ZNF395: variants seen among roughly 807,000 people sequenced by gnomAD.
ZNF395 encodes the protein zinc finger protein 395, also known as HD gene regulatory region-binding protein 2.
ZNF395 carries 20 observed loss-of-function variants against 57.7 expected under a neutral mutation model. The ratio of observed to expected loss-of-function variants is 0.35; its 90% CI spans 0.24 to 0.50. The LOEUF is 0.50. Among genes scored for constraint, ZNF395 ranks in the 20% least tolerant of loss-of-function variants. ZNF395 has a pLI of 0.97. For synonymous variants in ZNF395, 295 were observed against 275.9 expected (o/e 1.07, Z -0.69); for missense variants, 606 against 671.2 (o/e 0.90, Z 1.07).
chr8:28,378,352 A>T (rs1253074379), intron 1 of ZNF395, among the ~76,000 whole-genome samples: 1 of 152,146 alleles, frequency 6.6e-6, no homozygotes, highest in Admixed American at 6.6e-5. Context: ...TGAGCCTCCG[A>T]CATCAGCCTC....
In ZNF395 at chr8:28,352,765, C is replaced by G; in HGVS notation, c.820-92G>C. The stretch of plus-strand genomic sequence containing the variant: ...GTGGGGACTCAAACTGGCTGCTGTC[C>G]CCGGCCTGACCCAACAAAAACCTCC... On this transcript the variant is annotated intron_variant, in intron 5 of 9. Coordinates refer to ENST00000344423, the MANE Select transcript of ZNF395 (RefSeq NM_018660.3). The surrounding 1 kb of genome is among the most constrained non-coding windows in gnomAD (Gnocchi z 4.0). The G allele has an allele frequency of 1.9e-6, 2 of 1,077,388 alleles. No individual in the cohort carries two copies. Among genetic ancestry groups the G allele is most frequent in the Non-Finnish European group, 1.4e-6 (1 of 726,094 alleles). The allele number at this position is 1,077,388 out of a possible 1,614,324, so 66.7% of individuals were successfully genotyped here. A position where few individuals can be genotyped will look rare whatever the true frequency, so the allele number is the denominator to read the frequency against.
At chr8:28,371,006 G>A (rs1458264533) in intron 1 of ZNF395, among the ~76,000 whole-genome samples, 1 of 152,126 alleles carries the variant, frequency 6.6e-6, no homozygotes, top group Non-Finnish European at 1.5e-5. Context: ...TGAGCATTTC[G>A]CAGACTGTGT....
At chr8:28,379,374 A>G (rs192681656) in intron 1 of ZNF395, among the ~76,000 whole-genome samples, 17 of 152,308 alleles carry the variant, frequency 1.1e-4, no homozygotes, top group Non-Finnish European at 1.3e-4. Context: ...TTTAAAAGCC[A>G]TATCTTAGAG....
At chr8:28,370,985 A>ATTT (rs1801969245) in intron 1 of ZNF395, among the ~76,000 whole-genome samples, 1 of 152,232 alleles carries the variant, frequency 6.6e-6, no homozygotes, top group Non-Finnish European at 1.5e-5. Flanking sequence ...CTTAAGTGCC[A>ATTT]GTCAACTTGC....
intron 1 of ZNF395, among the ~76,000 whole-genome samples, chr8:28,374,134 CCGGG>C (rs1295188551): frequency 6.6e-6 from 1 of 152,110 alleles, no homozygotes; most frequent in Admixed American, 6.5e-5. Flanking sequence ...CAAAGGGAGA[CCGGG>C]CAGAGGTTAA....
chr8:28,383,785 G>A (rs1352615107), intron 1 of ZNF395, among the ~76,000 whole-genome samples: 1 of 151,722 alleles, frequency 6.6e-6, no homozygotes, highest in Non-Finnish European at 1.5e-5. Flanking sequence ...CTGCAACACT[G>A]TCCCCCCTGG....
chr8:28,371,116 C>T (rs1359435955), intron 1 of ZNF395, among the ~76,000 whole-genome samples: 1 of 152,190 alleles, frequency 6.6e-6, no homozygotes, highest in East Asian at 1.9e-4. Flanking sequence ...GTAATTTTCC[C>T]AAGGCCACGA....
intron 1 of ZNF395, among the ~76,000 whole-genome samples, chr8:28,366,944 A>G (rs1386228119): frequency 1.3e-5 from 2 of 152,086 alleles, no homozygotes; most frequent in Admixed American, 1.3e-4. Flanking sequence ...GCCGTGACTT[A>G]AAACTTCTAG....
chr8:28,359,615 G>A lies in ZNF395; in HGVS notation c.450C>T (p.Ser150=), dbSNP rs200561060. 11 of 1,604,220 alleles carry A rather than the reference G, an allele frequency of 6.9e-6. No homozygotes were observed. The highest frequency in any genetic ancestry group is 1.7e-4 in the Middle Eastern group (1 of 6,002). ...ACCTCTTTGGGACATCGATGTTCCT[G>A]GAGACGGGCCTGTAGGCCAGGGCCT... ...GAQALAYRPV[S]RNIDVPKRKS... The change falls in exon 3 of 10, where the codon TCC becomes TCT. Residue 150 remains serine, a synonymous_variant. Coordinates refer to ENST00000344423, the MANE Select transcript of ZNF395 (RefSeq NM_018660.3). The surrounding 1 kb of genome is among the most constrained non-coding windows in gnomAD (Gnocchi z 4.7).
chr8:28,349,283 G>A, intron 8 of ZNF395, 55 bp from the exon 9 acceptor site: 1 of 1,424,602 alleles, frequency 7.0e-7, no homozygotes, highest in South Asian at 1.4e-5. Context: ...AGGTGAGGGA[G>A]CTATCCTAAA....
intron 1 of ZNF395, among the ~76,000 whole-genome samples, chr8:28,376,843 C>T (rs1490493267): frequency 6.6e-6 from 1 of 152,214 alleles, no homozygotes; most frequent in Non-Finnish European, 1.5e-5. Flanking sequence ...TTTTCACATA[C>T]ATCTAAAACT....
chr8:28,383,027 C>T (rs1802129129), intron 1 of ZNF395, among the ~76,000 whole-genome samples: 1 of 152,144 alleles, frequency 6.6e-6, no homozygotes, highest in Admixed American at 6.5e-5. Flanking sequence ...CAAAACAGTA[C>T]AGACACTGCT....
chr8:28,375,695 G>A (rs1249531872), intron 1 of ZNF395, among the ~76,000 whole-genome samples: 3 of 152,178 alleles, frequency 2.0e-5, no homozygotes, highest in African/African-American at 7.2e-5. Context: ...CCTATCAGAC[G>A]TTGGAAATCT....
At chr8:28,370,925 A>G (rs1801968823) in intron 1 of ZNF395, among the ~76,000 whole-genome samples, 1 of 152,244 alleles carries the variant, frequency 6.6e-6, no homozygotes, top group African/African-American at 2.4e-5. Flanking sequence ...TGGCCTTTCA[A>G]AGACTGATGT....
intron 4 of ZNF395, among the ~76,000 whole-genome samples, chr8:28,354,257 T>G (rs954211682): frequency 2.6e-5 from 4 of 152,150 alleles, no homozygotes; most frequent in Non-Finnish European, 4.4e-5. Context: ...ACAGCACATC[T>G]GCAGGCTGCA....
intron 1 of ZNF395, among the ~76,000 whole-genome samples, chr8:28,366,023 G>A (rs1801906437): frequency 2.0e-5 from 3 of 152,162 alleles, no homozygotes; most frequent in South Asian, 2.1e-4. Context: ...ACACTGCAGC[G>A]AGCTATGATA....
At position 28,359,484 on chromosome 8, in the gene ZNF395, C is replaced by T; in HGVS notation, c.473+108G>A. On this transcript the variant is annotated intron_variant, in intron 3 of 9. Coordinates refer to ENST00000344423, the MANE Select transcript of ZNF395 (RefSeq NM_018660.3). This position sits in a 1 kb window ranked among gnomAD's most constrained non-coding sequence, Gnocchi z 4.7. ...TCCCATTTGTCCCAATATCTTGGCA[C>T]CCAGATGCCAATGACACCACATTTC... 1 of 1,420,694 alleles carries T rather than the reference C, an allele frequency of 7.0e-7. No homozygotes were observed. Among genetic ancestry groups the T allele is most frequent in the South Asian group, 1.6e-5 (1 of 64,102 alleles). The allele number at this position is 1,420,694 out of a possible 1,614,324, so 88.0% of individuals were successfully genotyped here.
At position 28,359,688 on chromosome 8, in the gene ZNF395, T is replaced by C. The variant is rs767409312; in HGVS notation, c.377A>G (p.Glu126Gly). The change falls in exon 3 of 10, where the codon GAG (glutamate) becomes GGG (glycine). Residue 126 changes from glutamate (E) to glycine (G), a missense_variant. Glu to Gly is a moderately conservative substitution (Grantham distance 98, BLOSUM62 -2). Around this residue, in one of 3 missense-constraint regions of ZNF395, gnomAD observed 309 missense variants for 374.7 expected, o/e 0.82. Coordinates refer to ENST00000344423, the MANE Select transcript of ZNF395 (RefSeq NM_018660.3). The surrounding 1 kb of genome is among the most constrained non-coding windows in gnomAD (Gnocchi z 4.7). ...CCRVEEVWLA[E>G]LQGPCPQAPP... Reference sequence around the variant, plus strand: ...TGCCTGGGGACAGGGGCCCTGCAGCTCTGCCAGCCACACCTCCTCCACCCT... The same window carrying C: ...TGCCTGGGGACAGGGGCCCTGCAGCCCTGCCAGCCACACCTCCTCCACCCT... 1 of 1,613,998 alleles carries C rather than the reference T, an allele frequency of 6.2e-7. No homozygotes were observed. Among genetic ancestry groups the C allele is most frequent in the East Asian group, 2.2e-5 (1 of 44,874 alleles).
At chr8:28,381,419 G>C (rs1440858759) in intron 1 of ZNF395, among the ~76,000 whole-genome samples, 2 of 152,150 alleles carry the variant, frequency 1.3e-5, no homozygotes, top group Non-Finnish European at 2.9e-5. Flanking sequence ...CAGGGTCCAA[G>C]CAATCCTCTT....
Sources: allele counts gnomAD v4.1 joint callset (sites outside exome capture counted in the v4.1 genomes callset), GRCh38; gene constraint gnomAD v4.1.1; regional missense constraint gnomAD v4.1.1; non-coding constraint Gnocchi (gnomAD v3.1); transcripts MANE v1.5; gene names NCBI Gene and HGNC (gene_info 2026-07-23, HGNC 2026-07-21).